Variants in SLC44A5 observed in about 807,000 individuals in gnomAD.
The protein encoded by SLC44A5 is solute carrier family 44 member 5, also known as choline transporter-like protein 5.
Under a neutral mutation model 101.8 loss-of-function variants are expected in SLC44A5, and 57 were observed. The ratio of observed to expected loss-of-function variants is 0.56; its 90% confidence interval spans 0.45 to 0.70. The LOEUF (loss-of-function observed/expected upper bound fraction) is 0.70. Ranked by LOEUF, SLC44A5 falls within the 30% of genes least tolerant of loss-of-function variation. SLC44A5 has a pLI of 0.00. For synonymous variants in SLC44A5, 281 were observed against 290.9 expected, an observed-to-expected ratio of 0.97 and a Z score of 0.35; for missense variants, 737 against 853.1, an observed-to-expected ratio of 0.86 and a Z score of 1.70.
intron 1 of SLC44A5, among the ~76,000 whole-genome samples, chr1:75,553,499 A>G (rs1672052687): frequency 6.6e-6 from 1 of 152,220 alleles, no homozygotes; most frequent in Non-Finnish European, 1.5e-5. Flanking sequence ...ATCATCATTC[A>G]GGTAATAATA....
At chr1:75,333,957 C>T (rs567765344) in intron 4 of SLC44A5, among the ~76,000 whole-genome samples, 1 of 152,244 alleles carries the variant, frequency 6.6e-6, no homozygotes, top group African/African-American at 2.4e-5. Context: ...ATCTCAGGGA[C>T]TTTGCATTTG....
intron 2 of SLC44A5, among the ~76,000 whole-genome samples, chr1:75,534,752 T>C (rs1478811359): frequency 1.3e-5 from 2 of 152,246 alleles, no homozygotes; most frequent in Non-Finnish European, 2.9e-5. Flanking sequence ...ACTTTTCGTT[T>C]ATTAATGGCA....
At chr1:75,415,216 C>A (rs533496138) in intron 2 of SLC44A5, among the ~76,000 whole-genome samples, 1 of 152,158 alleles carries the variant, frequency 6.6e-6, no homozygotes, top group African/African-American at 2.4e-5. Context: ...ATAATTCCCA[C>A]GTGTTGTGGG....
At chr1:75,510,463 A>T (rs560434552) in intron 2 of SLC44A5, among the ~76,000 whole-genome samples, 44 of 152,314 alleles carry the variant, frequency 2.9e-4, no homozygotes, top group Non-Finnish European at 5.3e-4. Context: ...ACAAAAATTG[A>T]AAAAGACAAA....
At chr1:75,395,606 TGAGAA>T (rs1358078849) in intron 3 of SLC44A5, among the ~76,000 whole-genome samples, 5 of 152,134 alleles carry the variant, frequency 3.3e-5, no homozygotes, top group Admixed American at 3.3e-4. Context: ...AAATGGGTTT[TGAGAA>T]AAGAGGCAGG....
chr1:75,272,408 TTTTTTA>T (rs1442634331), intron 6 of SLC44A5, among the ~76,000 whole-genome samples: 1 of 151,896 alleles, frequency 6.6e-6, no homozygotes, highest in African/African-American at 2.4e-5. Context: ...CTTTTATTTT[TTTTTTA>T]TTTTTGTTTT....
At chr1:75,604,129 G>T (rs1675179509) in intron 1 of SLC44A5, among the ~76,000 whole-genome samples, 1 of 151,970 alleles carries the variant, frequency 6.6e-6, no homozygotes, top group Admixed American at 6.6e-5. Flanking sequence ...TTTCTTCTAA[G>T]ATTCTTATAG....
intron 2 of SLC44A5, among the ~76,000 whole-genome samples, chr1:75,438,914 T>C (rs539416584): frequency 2.0e-5 from 3 of 152,230 alleles, no homozygotes; most frequent in East Asian, 1.9e-4. Flanking sequence ...GTCAAAGTCT[T>C]TTAGGATAAA....
intron 4 of SLC44A5, among the ~76,000 whole-genome samples, chr1:75,305,915 C>T (rs1654863790): frequency 6.6e-6 from 1 of 152,326 alleles, no homozygotes; most frequent in African/African-American, 2.4e-5. Context: ...TTTAAGGCAA[C>T]TATATTTAAT....
chr1:75,329,774 C>A (rs1365651759), intron 4 of SLC44A5, among the ~76,000 whole-genome samples: 1 of 152,104 alleles, frequency 6.6e-6, no homozygotes, highest in Non-Finnish European at 1.5e-5. Context: ...TTTATTTAGG[C>A]TCTAGTTTTT....
At chr1:75,571,935 A>G (rs560746573) in intron 1 of SLC44A5, among the ~76,000 whole-genome samples, 4 of 152,336 alleles carry the variant, frequency 2.6e-5, no homozygotes, top group African/African-American at 9.6e-5. Context: ...AATTAGTCTG[A>G]TATCAGATTT....
chr1:75,355,305 A>T (rs942387169), intron 3 of SLC44A5, among the ~76,000 whole-genome samples: 2 of 152,194 alleles, frequency 1.3e-5, no homozygotes, highest in Non-Finnish European at 2.9e-5. Flanking sequence ...TAGTAGAAAG[A>T]GCTAATCAAG....
intron 2 of SLC44A5, among the ~76,000 whole-genome samples, chr1:75,423,137 G>T (rs1664112020): frequency 6.6e-6 from 1 of 152,152 alleles, no homozygotes; most frequent in Non-Finnish European, 1.5e-5. Flanking sequence ...TATTTTGGTT[G>T]CCTGAAAAAG....
At chr1:75,495,121 T>A (rs529428847) in intron 2 of SLC44A5, among the ~76,000 whole-genome samples, 1 of 152,284 alleles carries the variant, frequency 6.6e-6, no homozygotes, top group East Asian at 1.9e-4. Context: ...ATACTTGACC[T>A]AATGAAATTG....
At chr1:75,234,185 A>G (rs541988629) in intron 11 of SLC44A5, 87 bp from the exon 12 acceptor site, 1 of 824,016 alleles carries the variant, frequency 1.2e-6, no homozygotes, top group African/African-American at 1.8e-5. Context: ...TTTTCTATTC[A>G]AAATTATTCT....
intron 2 of SLC44A5, among the ~76,000 whole-genome samples, chr1:75,495,361 A>C (rs1053875942): frequency 4.6e-5 from 7 of 152,048 alleles, no homozygotes; most frequent in Non-Finnish European, 8.8e-5. Context: ...AGGCTGAGGC[A>C]GGAGAATGGC....
At chr1:75,545,751 T>G (rs964244879) in intron 1 of SLC44A5, among the ~76,000 whole-genome samples, 3 of 152,178 alleles carry the variant, frequency 2.0e-5, no homozygotes, top group Admixed American at 2.0e-4. Flanking sequence ...TTATAATGAT[T>G]GCAAAATGTT....
Position 75,490,262 on chromosome 1 carries a change from A to G in SLC44A5, c.13+51173T>C, listed in dbSNP as rs562714911. On this transcript the variant is annotated intron_variant, in intron 2 of 23. Coordinates refer to ENST00000370859, the MANE Select transcript of SLC44A5 (RefSeq NM_001130058.2). ...AGAATCATTATCATTTACAGCAATTACTGACATAAATAAACAGAATGCTAC... is the reference window on the plus strand; with the variant it reads ...AGAATCATTATCATTTACAGCAATTGCTGACATAAATAAACAGAATGCTAC... Among the ~76,000 whole-genome samples, 4 of 152,266 alleles carry G rather than the reference A, an allele frequency of 2.6e-5. No individual in the cohort carries two copies. In the East Asian group the frequency reaches 5.8e-4, roughly 22 times the overall value.
At chr1:75,547,532 G>T (rs906403965) in intron 1 of SLC44A5, among the ~76,000 whole-genome samples, 4 of 152,128 alleles carry the variant, frequency 2.6e-5, no homozygotes, top group Non-Finnish European at 5.9e-5. Flanking sequence ...TCCAGTCAAA[G>T]CAAAAGTGTC....
Sources: allele counts gnomAD v4.1 joint callset (sites outside exome capture counted in the v4.1 genomes callset), GRCh38; gene constraint gnomAD v4.1.1; transcripts MANE v1.5; gene names NCBI Gene and HGNC (gene_info 2026-07-23, HGNC 2026-07-21).